SLF1: variants seen among roughly 807,000 people sequenced by gnomAD.
SLF1 encodes the protein SMC5/6 complex localization factor 1.
A neutral mutation model predicts 123.0 loss-of-function variants in SLF1; 105 were observed. The observed-to-expected ratio is 0.85, with a 90% CI of 0.73 to 1.00. The LOEUF is 1.00. Among genes scored for constraint, SLF1 ranks in the 50% least tolerant of loss-of-function variants. The probability of loss-of-function intolerance (pLI) is 0.00; values close to 1 mark genes in which losing one functional copy is unlikely to be tolerated. For synonymous variants in SLF1, 434 were observed against 406.6 expected (o/e 1.07, Z -0.81); for missense variants, 1,239 against 1,223.0 (o/e 1.01, Z -0.20).
chr5:94,663,731 A>G lies in SLF1; in HGVS notation c.1210-19A>G. 5 of 1,492,572 alleles carry G rather than the reference A, an allele frequency of 3.3e-6. No individual in the cohort carries two copies. The highest frequency in any genetic ancestry group is 4.5e-6 in the Non-Finnish European group (5 of 1,116,510). 92.5% of individuals were successfully genotyped at this position (1,492,572 alleles called of 1,614,324 possible). A position where few individuals can be genotyped will look rare whatever the true frequency, so the allele number is the denominator to read the frequency against. ...TTTATCTTTCTTTTCTCTGAATCAT[A>G]GAATCTTTCCTTTCTTAGGTTAAAA... On this transcript the variant is annotated intron_variant, in intron 10 of 20. Coordinates refer to ENST00000265140, the MANE Select transcript of SLF1 (RefSeq NM_032290.4).
rs544950533 is a variant in SLF1, at chr5:94,659,332, T to C, written c.1156-2966T>C. 4.5e-4 allele frequency among the ~76,000 whole-genome samples: 68 copies of C among 152,330 alleles called. 1 individual carries two copies. The highest frequency in any genetic ancestry group is 1.6e-3 in the African/African-American group (65 of 41,588). On this transcript the variant is annotated intron_variant, in intron 9 of 20. Coordinates refer to ENST00000265140, the MANE Select transcript of SLF1 (RefSeq NM_032290.4). ...ATTTTAATTTTTTTTAGGAATTTCATTGGTTTCCTTTTTGTTGGAATCTGT... is the reference window on the plus strand; with the variant it reads ...ATTTTAATTTTTTTTAGGAATTTCACTGGTTTCCTTTTTGTTGGAATCTGT...
intron 14 of SLF1, among the ~76,000 whole-genome samples, chr5:94,676,738 G>C (rs755945025): frequency 2.0e-5 from 3 of 152,230 alleles, no homozygotes; most frequent in Admixed American, 2.0e-4. Context: ...GGTCCTGACT[G>C]TGTTTTCCTT....
chr5:94,668,856 A>G (rs931826472), intron 12 of SLF1, among the ~76,000 whole-genome samples: 5 of 152,154 alleles, frequency 3.3e-5, no homozygotes, highest in African/African-American at 1.2e-4. Context: ...CATTCACATC[A>G]GGCCTATGAC....
At chr5:94,620,069 AG>A (rs1791576658) in intron 1 of SLF1, 1 of 152,168 alleles carries the variant, frequency 6.6e-6, no homozygotes, top group Non-Finnish European at 1.5e-5. Context: ...TAATAGAGAC[AG>A]GGTTTCACCA....
At chr5:94,670,366 T>A (rs1182215174) in intron 13 of SLF1, 87 bp downstream of exon 13, 1 of 1,037,918 alleles carries the variant, frequency 9.6e-7, no homozygotes, top group African/African-American at 1.7e-5. Context: ...ATAAATATAT[T>A]TCTAAAAAGT....
intron 9 of SLF1, among the ~76,000 whole-genome samples, chr5:94,656,915 T>A (rs1350011393): frequency 1.3e-5 from 2 of 150,756 alleles, no homozygotes; most frequent in Non-Finnish European, 3.0e-5. Flanking sequence ...GTTTAACTTT[T>A]AAAAAAAATT....
At chr5:94,674,185 A>G (rs1358287824) in intron 14 of SLF1, among the ~76,000 whole-genome samples, 1 of 152,164 alleles carries the variant, frequency 6.6e-6, no homozygotes, top group Non-Finnish European at 1.5e-5. Context: ...ATTTGATTAC[A>G]TAAATGAAAT....
intron 1 of SLF1, among the ~76,000 whole-genome samples, chr5:94,621,323 T>C (rs950694797): frequency 5.3e-5 from 8 of 152,210 alleles, no homozygotes; most frequent in African/African-American, 1.7e-4. Context: ...TGTGTACCCT[T>C]GAAGTAGTTT....
Position 94,688,613 on chromosome 5 carries a change from C to G in SLF1, c.2229C>G (p.Thr743=). 6.2e-7 allele frequency: 1 copy of G among 1,614,042 alleles called. No individual in the cohort carries two copies. Among genetic ancestry groups the G allele is most frequent in the East Asian group, 2.2e-5 (1 of 44,848 alleles). Residue 743 remains threonine, a synonymous_variant, in exon 17 of 21, where the codon ACC becomes ACG. Transcript: ENST00000265140. ...GQRPCFDSQR[T]LLMLNGTKQK... Reference sequence around the variant, plus strand: ...GGCCTTGTTTTGACTCTCAGAGAACCTTACTAATGCTGAATGGTACTAAAC... The same window carrying G: ...GGCCTTGTTTTGACTCTCAGAGAACGTTACTAATGCTGAATGGTACTAAAC...
intron 6 of SLF1, 58 bp from the exon 7 acceptor site, chr5:94,651,644 T>G (rs1747738525): frequency 7.4e-7 from 1 of 1,344,828 alleles, no homozygotes. Context: ...TTGTGTTGAT[T>G]GTGTTAAGGC....
At chr5:94,619,661 A>C (rs1791484976) in intron 1 of SLF1, among the ~76,000 whole-genome samples, 1 of 152,206 alleles carries the variant, frequency 6.6e-6, no homozygotes, top group South Asian at 2.1e-4. Context: ...CTGAATTTAC[A>C]ATGTATGTGT....
chr5:94,693,980 C>T (rs112101544), intron 20 of SLF1, among the ~76,000 whole-genome samples: 1 of 151,804 alleles, frequency 6.6e-6, no homozygotes, highest in Non-Finnish European at 1.5e-5. Flanking sequence ...AATCAGTTCT[C>T]TCTTTCTGAC....
At chr5:94,684,358 C>A (rs1752142515) in intron 15 of SLF1, among the ~76,000 whole-genome samples, 1 of 152,108 alleles carries the variant, frequency 6.6e-6, no homozygotes, top group Admixed American at 6.6e-5. Flanking sequence ...TCAGTAGTAG[C>A]AAGAGAACGG....
At position 94,682,965 on chromosome 5, in the gene SLF1, C is replaced by T. The variant is rs75939876; in HGVS notation, c.1976-3608C>T. ...CAGCCATAGACAATACATAAACAGA[C>T]AGCATGGCTGTGTTCCAGTAAAACT... On this transcript the variant is annotated intron_variant, in intron 15 of 20. Transcript: ENST00000265140. Among the ~76,000 whole-genome samples, 800 of 152,326 alleles carry T rather than the reference C, an allele frequency of 5.3e-3. 9 individuals carry two copies. The highest frequency in any genetic ancestry group is 0.018 in the African/African-American group (766 of 41,574).
At chr5:94,665,538 C>T (rs1048885013) in intron 11 of SLF1, among the ~76,000 whole-genome samples, 4 of 152,118 alleles carry the variant, frequency 2.6e-5, no homozygotes, top group East Asian at 1.9e-4. Flanking sequence ...ATCACAAGGT[C>T]GGGAGTTCAA....
At chr5:94,626,199 G>A (rs1792227306) in intron 1 of SLF1, among the ~76,000 whole-genome samples, 1 of 149,644 alleles carries the variant, frequency 6.7e-6, no homozygotes, top group Non-Finnish European at 1.5e-5. Flanking sequence ...CTTGCACTGA[G>A]CCGAGATCAC....
At chr5:94,643,564 C>T (rs1480966172) in intron 5 of SLF1, 129 bp downstream of exon 5, 1 of 660,272 alleles carries the variant, frequency 1.5e-6, no homozygotes, top group Non-Finnish European at 2.3e-6. Context: ...ATTTAAATGA[C>T]ACTTTTTAAA....
Position 94,688,377 on chromosome 5 carries a change from G to T in SLF1, c.2122-129G>T, listed in dbSNP as rs140815549. ...TTAATATTTTATTATGTTCAACCAA[G>T]ATAGAGTGGCAACCATAGTGATGCA... On this transcript the variant is annotated intron_variant, in intron 16 of 20. Transcript: ENST00000265140. 1.6e-3 allele frequency: 1,391 copies of T among 892,890 alleles called. 4 individuals are homozygous for T. The highest frequency in any genetic ancestry group is 1.4e-3 in the Non-Finnish European group (821 of 597,570). 55.3% of individuals were successfully genotyped at this position (892,890 alleles called of 1,614,324 possible). A position where few individuals can be genotyped will look rare whatever the true frequency, so the allele number is the denominator to read the frequency against.
At chr5:94,677,015 G>A (rs986961852) in intron 14 of SLF1, among the ~76,000 whole-genome samples, 31 of 152,122 alleles carry the variant, frequency 2.0e-4, no homozygotes, top group Non-Finnish European at 2.6e-4. Flanking sequence ...GGCATAATAT[G>A]TGCTAGTTTG....
Sources: gnomAD v4.1 joint callset for allele counts (sites outside exome capture counted in the v4.1 genomes callset) on GRCh38, gnomAD v4.1.1 for gene constraint, MANE v1.5 for transcripts, NCBI Gene and HGNC (gene_info 2026-07-23, HGNC 2026-07-21) for gene names.